Variants in CNTNAP4 observed in about 807,000 individuals in gnomAD.
CNTNAP4 encodes contactin-associated protein-like 4.
A neutral mutation model predicts 148.4 loss-of-function variants in CNTNAP4; 98 were observed. The observed-to-expected ratio is 0.66, with a 90% CI of 0.56 to 0.78. The LOEUF is 0.78. Ranked by LOEUF, CNTNAP4 falls within the 30% of genes least tolerant of loss-of-function variation. CNTNAP4 has a pLI of 0.00. For missense variants in CNTNAP4, 1,935 were observed against 1,565.6 expected, an observed-to-expected ratio of 1.24 and a Z score of -3.98; for synonymous variants, 730 against 565.1, an observed-to-expected ratio of 1.29 and a Z score of -4.14.
intron 3 of CNTNAP4, among the ~76,000 whole-genome samples, chr16:76,378,665 C>T (rs2015669161): frequency 6.6e-6 from 1 of 152,292 alleles, no homozygotes; most frequent in East Asian, 1.9e-4. Context: ...CCAGTGTATT[C>T]TTGCAGTCTC....
At chr16:76,283,363 T>G (rs954495908) in intron 1 of CNTNAP4, among the ~76,000 whole-genome samples, 1 of 151,996 alleles carries the variant, frequency 6.6e-6, no homozygotes, top group East Asian at 1.9e-4. Context: ...TGCACATGTA[T>G]GTTCATTGCA....
At chr16:76,498,143 C>T (rs1364645972) in intron 14 of CNTNAP4, among the ~76,000 whole-genome samples, 12 of 152,196 alleles carry the variant, frequency 7.9e-5, no homozygotes, top group Non-Finnish European at 1.2e-4. Flanking sequence ...GTAATCCCCG[C>T]ACTTCGGGAG....
chr16:76,422,351 C>G (rs8051948), intron 3 of CNTNAP4, among the ~76,000 whole-genome samples: 940 of 82,210 alleles, frequency 0.011, 6 homozygotes, highest in African/African-American at 0.04. Context: ...ATTGATTATT[C>G]AATGTTTATC....
At chr16:76,329,992 G>A (rs1963361854) in intron 2 of CNTNAP4, among the ~76,000 whole-genome samples, 3 of 152,132 alleles carry the variant, frequency 2.0e-5, no homozygotes, top group Admixed American at 2.0e-4. Context: ...CGGGAGAAGT[G>A]CTGTGCAGAC....
At position 76,459,514 on chromosome 16, in the gene CNTNAP4, C is replaced by A. The variant is rs116339690; in HGVS notation, c.1334-2442C>A. On this transcript the variant is annotated intron_variant, in intron 8 of 23. Transcript: ENST00000611870. ...GCCCTGGCTAAAATTTGTGTTAGAC[C>A]ATATATGTCCAGGGCAAAGACATGT... 1.4e-3 allele frequency among the ~76,000 whole-genome samples: 213 copies of A among 152,210 alleles called. 1 individual carries two copies. The highest frequency in any genetic ancestry group is 4.9e-3 in the African/African-American group (204 of 41,512).
At chr16:76,451,814 A>T (rs990666251) in intron 7 of CNTNAP4, among the ~76,000 whole-genome samples, 5 of 152,170 alleles carry the variant, frequency 3.3e-5, no homozygotes, top group African/African-American at 1.2e-4. Context: ...CTAGTTTTCA[A>T]TAGCACAGTA....
In CNTNAP4 at chr16:76,372,018, C is replaced by G. The variant is rs574456547; in HGVS notation, c.390+16507C>G. Among the ~76,000 whole-genome samples the G allele has an allele frequency of 8.1e-4, 124 of 152,258 alleles. 1 individual carries two copies. The highest frequency in any genetic ancestry group is 2.8e-3 in the African/African-American group (117 of 41,562). Reference sequence around the variant, plus strand: ...TGATAGTGTTATTTCCAGGGAGTCTCTGCATTGCTTTGCAGGGTTTGTATA... The same window carrying G: ...TGATAGTGTTATTTCCAGGGAGTCTGTGCATTGCTTTGCAGGGTTTGTATA... On this transcript the variant is annotated intron_variant, in intron 3 of 23. Transcript: ENST00000611870.
intron 2 of CNTNAP4, 110 bp from the exon 3 acceptor site, chr16:76,355,208 A>T (rs1265331451): frequency 1.6e-6 from 1 of 619,592 alleles, no homozygotes; most frequent in African/African-American, 1.9e-5. Context: ...CATATTTTGG[A>T]TATTTAAGTT....
At chr16:76,364,070 C>A (rs2013782645) in intron 3 of CNTNAP4, among the ~76,000 whole-genome samples, 1 of 151,584 alleles carries the variant, frequency 6.6e-6, no homozygotes, top group Non-Finnish European at 1.5e-5. Context: ...AATCCTGTAT[C>A]TATTAAGAAT....
intron 3 of CNTNAP4, among the ~76,000 whole-genome samples, chr16:76,398,740 T>C (rs979123883): frequency 5.3e-5 from 8 of 152,194 alleles, no homozygotes; most frequent in African/African-American, 1.9e-4. Flanking sequence ...CTTTCTGATT[T>C]TGACAGCTTT....
At chr16:76,475,609 A>G (rs968833859) in intron 10 of CNTNAP4, among the ~76,000 whole-genome samples, 9 of 152,142 alleles carry the variant, frequency 5.9e-5, no homozygotes, top group Admixed American at 4.6e-4. Context: ...TAGCAATTCA[A>G]TGTGATAAAA....
intron 21 of CNTNAP4, among the ~76,000 whole-genome samples, chr16:76,544,953 T>C (rs571820283): frequency 2.0e-5 from 3 of 152,182 alleles, no homozygotes; most frequent in Non-Finnish European, 2.9e-5. Flanking sequence ...AAATCTCCAA[T>C]GTATCAGAAA....
chr16:76,327,847 G>A (rs1963143682), intron 2 of CNTNAP4, among the ~76,000 whole-genome samples: 2 of 152,194 alleles, frequency 1.3e-5, no homozygotes, highest in African/African-American at 4.8e-5. Context: ...TCAGAAGTGT[G>A]TGTGGCATTG....
chr16:76,461,177 T>A (rs909022840), intron 8 of CNTNAP4, among the ~76,000 whole-genome samples: 1 of 152,102 alleles, frequency 6.6e-6, no homozygotes, highest in African/African-American at 2.4e-5. Context: ...TGGGGGCCAC[T>A]TTAAACAGTG....
chr16:76,386,891 G>C (rs2016559853), intron 3 of CNTNAP4, among the ~76,000 whole-genome samples: 1 of 152,178 alleles, frequency 6.6e-6, no homozygotes, highest in African/African-American at 2.4e-5. Context: ...TTCAGAGGGA[G>C]AGGAGGCTGT....
At chr16:76,423,669 A>C (rs1162812059) in intron 3 of CNTNAP4, among the ~76,000 whole-genome samples, 1 of 152,194 alleles carries the variant, frequency 6.6e-6, no homozygotes, top group East Asian at 1.9e-4. Flanking sequence ...CATCATATGC[A>C]TCATTCACAA....
intron 15 of CNTNAP4, among the ~76,000 whole-genome samples, chr16:76,504,349 A>G (rs1187276298): frequency 6.6e-6 from 1 of 152,156 alleles, no homozygotes; most frequent in Admixed American, 6.5e-5. Context: ...CAATGATGAA[A>G]GGATAGAATT....
At chr16:76,318,180 C>G (rs1172685328) in intron 2 of CNTNAP4, among the ~76,000 whole-genome samples, 2 of 152,122 alleles carry the variant, frequency 1.3e-5, no homozygotes, top group Non-Finnish European at 2.9e-5. Flanking sequence ...TTCTGTGCTT[C>G]TTTATAGAGA....
chr16:76,416,504 C>G (rs1568077432), intron 3 of CNTNAP4, among the ~76,000 whole-genome samples: 1 of 127,952 alleles, frequency 7.8e-6, no homozygotes, highest in African/African-American at 2.5e-5. Context: ...TCACATGAAA[C>G]TTCTATTTTT....
Sources: allele counts gnomAD v4.1 joint callset (sites outside exome capture counted in the v4.1 genomes callset), GRCh38; gene constraint gnomAD v4.1.1; transcripts MANE v1.5; gene names NCBI Gene and HGNC (gene_info 2026-07-23, HGNC 2026-07-21).